GTF2E1: variants seen among roughly 807,000 people sequenced by gnomAD.
The protein encoded by GTF2E1 is TFIIE alpha subunit.
Under a neutral mutation model 34.9 loss-of-function variants are expected in GTF2E1, and 14 were observed. The ratio of observed to expected loss-of-function variants is 0.40; its 90% CI spans 0.27 to 0.63. The LOEUF is 0.63. GTF2E1 is among the 20% of genes least tolerant of loss of function. The pLI is 0.39. For synonymous variants in GTF2E1, 188 were observed against 192.9 expected (o/e 0.97, Z 0.21); for missense variants, 469 against 557.7 (o/e 0.84, Z 1.60).
chr3:120,752,930 A>T (rs1213151589), intron 2 of GTF2E1, among the ~76,000 whole-genome samples: 3 of 152,182 alleles, frequency 2.0e-5, no homozygotes, highest in Non-Finnish European at 4.4e-5. Flanking sequence ...ATTGGCAGTT[A>T]TGTCCTACAG....
In GTF2E1 at chr3:120,750,941, C is replaced by G; in HGVS notation, c.389C>G (p.Pro130Arg). 6.2e-7 allele frequency: 1 copy of G among 1,613,930 alleles called. No homozygotes were observed. The highest frequency in any genetic ancestry group is 8.5e-7 in the Non-Finnish European group (1 of 1,179,820). The change falls in exon 2 of 5, where the codon CCT becomes CGT. Residue 130 changes from proline to arginine, a missense_variant. By Grantham distance (103) the Pro-to-Arg change is moderately radical (BLOSUM62 -2). Coordinates refer to ENST00000283875, the MANE Select transcript of GTF2E1 (RefSeq NM_005513.3). ...ACCAACCGGGCTTCCTTCAAATGTC[C>G]TGTCTGTAGTAGTACTTTCACAGAC... ...DSTNRASFKC[P>R]VCSSTFTDLE...
Position 120,744,691 on chromosome 3 carries a change from A to AT in GTF2E1, c.-31+1904dup, listed in dbSNP as rs1709090746. Among the ~76,000 whole-genome samples the AT allele has an allele frequency of 1.3e-5, 2 of 151,210 alleles. 1 individual carries two copies. Among genetic ancestry groups the AT allele is most frequent in the Non-Finnish European group, 2.9e-5 (2 of 67,814 alleles). On this transcript the variant is annotated intron_variant, in intron 1 of 4. Transcript: ENST00000283875. ...TCATTCATTCTGTTCTCTTCTTGCAATTTTTTTGCCTTCTTAGTTTAGATT... is the reference window on the plus strand; with the variant it reads ...TCATTCATTCTGTTCTCTTCTTGCAATTTTTTTTGCCTTCTTAGTTTAGATT...
chr3:120,754,698 T>C (rs1388715874), intron 2 of GTF2E1, among the ~76,000 whole-genome samples: 1 of 152,124 alleles, frequency 6.6e-6, no homozygotes, highest in Non-Finnish European at 1.5e-5. Flanking sequence ...TTGTTAGATG[T>C]TTGAATTGGA....
chr3:120,743,316 T>A (rs1709074221), intron 1 of GTF2E1, among the ~76,000 whole-genome samples: 1 of 152,224 alleles, frequency 6.6e-6, no homozygotes, highest in Non-Finnish European at 1.5e-5. Context: ...TTTAACATCC[T>A]GAATTTGATC....
chr3:120,751,795 A>G (rs893739516), intron 2 of GTF2E1, among the ~76,000 whole-genome samples: 2 of 152,164 alleles, frequency 1.3e-5, no homozygotes, highest in South Asian at 2.1e-4. Context: ...GTAAAAATCT[A>G]TAGAAGGACT....
Position 120,742,752 on chromosome 3 carries a change from C to G in GTF2E1, c.-73C>G. 1.8e-6 allele frequency: 1 copy of G among 555,848 alleles called. No individual in the cohort carries two copies. Among genetic ancestry groups the G allele is most frequent in the Non-Finnish European group, 3.2e-6 (1 of 308,896 alleles). 34.4% of individuals were successfully genotyped at this position (555,848 alleles called of 1,614,324 possible). A position where few individuals can be genotyped will look rare whatever the true frequency, so the allele number is the denominator to read the frequency against. ...GGTTCATTTAAGCCGGTAGTTGAAG[C>G]GCTGGGGGCAGCTGTAGTGGGAGTG... is the stretch of plus-strand genomic sequence containing the variant. On this transcript the variant is annotated 5_prime_UTR_variant, in exon 1 of 5. Coordinates refer to ENST00000283875, the MANE Select transcript of GTF2E1 (RefSeq NM_005513.3).
chr3:120,771,773 A>G (rs1017307977), intron 3 of GTF2E1, among the ~76,000 whole-genome samples: 25 of 152,196 alleles, frequency 1.6e-4, no homozygotes, highest in African/African-American at 5.8e-4. Context: ...AAGCAATCCA[A>G]TTCTACAGAA....
Position 120,781,305 on chromosome 3 carries a change from C to T in GTF2E1, c.1155C>T (p.Asp385=), listed in dbSNP as rs370995729. 1.0e-4 allele frequency: 167 copies of T among 1,613,930 alleles called. 1 individual carries two copies. The Middle Eastern group carries it at 2.3e-3, about 22-fold the overall frequency. The change falls in exon 5 of 5, where the codon GAC becomes GAT. Residue 385 remains aspartate, a synonymous_variant. Transcript: ENST00000283875. ...GAGAAGAGGATGAAGAGGAAGATGA[C>T]GAGTTTGAAGAAGTAGCAGATGACC... ...HKREEDEEED[D]EFEEVADDPI...
rs779141309 is a variant in GTF2E1 at position 120,781,473 on chromosome 3, T to A, written c.*3T>A. 6.2e-7 allele frequency: 1 copy of A among 1,604,336 alleles called. No homozygotes were observed. The highest frequency in any genetic ancestry group is 8.5e-7 in the Non-Finnish European group (1 of 1,171,706). ...TGTTTGAGGACCTCTTTGAGTGAGC[T>A]TTCCCTAATTCTTTCTCCTTTCTCT... On this transcript the variant is annotated 3_prime_UTR_variant, in exon 5 of 5. Transcript: ENST00000283875.
chr3:120,779,343 C>A (rs529386567), intron 4 of GTF2E1, among the ~76,000 whole-genome samples: 1 of 152,236 alleles, frequency 6.6e-6, no homozygotes, highest in East Asian at 1.9e-4. Context: ...GCATGCATTC[C>A]TTACCTTCTT....
chr3:120,768,271 T>G (rs1054159091), intron 2 of GTF2E1, among the ~76,000 whole-genome samples: 2 of 152,132 alleles, frequency 1.3e-5, no homozygotes, highest in African/African-American at 4.8e-5. Flanking sequence ...AGTAAAGAAC[T>G]GAAGTAAGTT....
At chr3:120,754,680 G>C (rs1042575892) in intron 2 of GTF2E1, among the ~76,000 whole-genome samples, 7 of 152,056 alleles carry the variant, frequency 4.6e-5, no homozygotes, top group Non-Finnish European at 8.8e-5. Context: ...TGAGTGGGTG[G>C]AGTAGAATTG....
At chr3:120,761,783 G>T (rs1380019465) in intron 2 of GTF2E1, among the ~76,000 whole-genome samples, 1 of 146,094 alleles carries the variant, frequency 6.8e-6, no homozygotes, top group African/African-American at 2.5e-5. Context: ...TGGTCTGAGA[G>T]ACATTTTTTT....
At chr3:120,757,205 G>T (rs1432703663) in intron 2 of GTF2E1, among the ~76,000 whole-genome samples, 1 of 152,084 alleles carries the variant, frequency 6.6e-6, no homozygotes, top group Non-Finnish European at 1.5e-5. Context: ...GTTGTTTTCT[G>T]CCCTTCTTCC....
At chr3:120,767,034 G>A (rs1374765411) in intron 2 of GTF2E1, among the ~76,000 whole-genome samples, 4 of 152,078 alleles carry the variant, frequency 2.6e-5, no homozygotes, top group African/African-American at 9.7e-5. Flanking sequence ...TAGGGTCCCA[G>A]AAGAAAAATA....
intron 1 of GTF2E1, among the ~76,000 whole-genome samples, chr3:120,744,889 T>C (rs1709092147): frequency 6.6e-6 from 1 of 152,100 alleles, no homozygotes; most frequent in African/African-American, 2.4e-5. Flanking sequence ...TCTCACTGAG[T>C]TCATACATTA....
At position 120,782,056 on chromosome 3, in the gene GTF2E1, T is replaced by G. The variant is rs2107615174; in HGVS notation, c.*586T>G. 6.5e-6 allele frequency: 1 copy of G among 153,264 alleles called. No individual in the cohort carries two copies. Among genetic ancestry groups the G allele is most frequent in the African/African-American group, 2.4e-5 (1 of 41,558 alleles). 9.5% of individuals were successfully genotyped at this position (153,264 alleles called of 1,614,324 possible). A position where few individuals can be genotyped will look rare whatever the true frequency, so the allele number is the denominator to read the frequency against. ...CCCTTCTGAAATGAGTGAGGGAAGT[T>G]CATAAGGTAAATCCTTCCCATCCAT... On this transcript the variant is annotated 3_prime_UTR_variant, in exon 5 of 5. Coordinates refer to ENST00000283875, the MANE Select transcript of GTF2E1 (RefSeq NM_005513.3).
rs921283864 is a variant in GTF2E1, at chr3:120,770,715, G to C, written c.449-13G>C. 4 of 1,603,118 alleles carry C rather than the reference G, an allele frequency of 2.5e-6. No homozygotes were observed. The African/African-American group carries it at 4.0e-5, about 16-fold the overall frequency. On this transcript the variant is annotated splice_polypyrimidine_tract_variant and intron_variant, in intron 2 of 4. Transcript: ENST00000283875. The stretch of plus-strand genomic sequence containing the variant: ...GTCTTCTCTCTGACCTGAGATACTT[G>C]TTTTCTCTGTAGGAACTTTCCGCTG...
rs920399359 is a variant in GTF2E1, at chr3:120,778,262, T to C, written c.892+1598T>C. 3.3e-5 allele frequency among the ~76,000 whole-genome samples: 5 copies of C among 152,322 alleles called. No homozygotes were observed. In the South Asian group the frequency reaches 1.0e-3, roughly 32 times the overall value. On this transcript the variant is annotated intron_variant, in intron 4 of 4. Coordinates refer to ENST00000283875, the MANE Select transcript of GTF2E1 (RefSeq NM_005513.3). The stretch of plus-strand genomic sequence containing the variant: ...CTAAAATGATAGAATATGAATCATA[T>C]GGGCCTTAAATAAGTTATCTGGTCT...
Sources: allele counts gnomAD v4.1 joint callset (sites outside exome capture counted in the v4.1 genomes callset), GRCh38; gene constraint gnomAD v4.1.1; transcripts MANE v1.5; gene names NCBI Gene and HGNC (gene_info 2026-07-23, HGNC 2026-07-21).